OXSR1: variants seen among roughly 807,000 people sequenced by gnomAD.
The protein encoded by OXSR1 is serine/threonine-protein kinase OSR1.
OXSR1 carries 24 observed loss-of-function variants against 79.8 expected under a neutral mutation model. The observed-to-expected ratio is 0.30, with a 90% CI of 0.22 to 0.42. The LOEUF is 0.42. Among genes scored for constraint, OXSR1 ranks in the 10% least tolerant of loss-of-function variants. OXSR1 has a pLI of 1.00. For missense variants in OXSR1, 430 were observed against 618.4 expected (o/e 0.70, Z 3.23); for synonymous variants, 226 against 209.2 (o/e 1.08, Z -0.69).
intron 2 of OXSR1, among the ~76,000 whole-genome samples, chr3:38,190,144 A>T (rs947843891): frequency 6.6e-6 from 1 of 152,168 alleles, no homozygotes; most frequent in Non-Finnish European, 1.5e-5. Context: ...CTGATCACAC[A>T]TGGCTTTATA....
rs373266799 is a variant in OXSR1 at position 38,243,398 on chromosome 3, T to C, written c.1110+620T>C. Among the ~76,000 whole-genome samples the C allele has an allele frequency of 7.2e-5, 11 of 152,312 alleles. No homozygotes were observed. In the South Asian group the frequency reaches 1.4e-3, roughly 20 times the overall value. ...ATGCCACCTGTCCTTTTTGAATTCT[T>C]TCTTTCAGCCTCAGCCTCTTCTCTT... is the stretch of plus-strand genomic sequence containing the variant. On this transcript the variant is annotated intron_variant, in intron 12 of 17. Transcript: ENST00000311806.
At position 38,216,126 on chromosome 3, in the gene OXSR1, A is replaced by C. The variant is rs1468221752; in HGVS notation, c.465A>C (p.Gly155=). 1 of 1,597,360 alleles carries C rather than the reference A, an allele frequency of 6.3e-7. No homozygotes were observed. Among genetic ancestry groups the C allele is most frequent in the African/African-American group, 1.4e-5 (1 of 73,928 alleles). ...RDVKAGNILL[G]EDGSVQIADF... ...TGAAAGCTGGAAACATTCTTCTTGG[A>C]GAAGATGGCTCAGTACAGATTGCAG... The change falls in exon 5 of 18, where the codon GGA becomes GGC. Residue 155 remains glycine, a synonymous_variant. Coordinates refer to ENST00000311806, the MANE Select transcript of OXSR1 (RefSeq NM_005109.3).
In OXSR1 at chr3:38,253,000, G is replaced by C; in HGVS notation, c.*109G>C. The C allele has an allele frequency of 1.3e-6, 1 of 794,628 alleles. No individual in the cohort carries two copies. The highest frequency in any genetic ancestry group is 2.1e-6 in the Non-Finnish European group (1 of 468,228). 49.2% of individuals were successfully genotyped at this position (794,628 alleles called of 1,614,324 possible). On this transcript the variant is annotated 3_prime_UTR_variant, in exon 18 of 18. Transcript: ENST00000311806. Reference sequence around the variant, plus strand: ...CAAAGAACCCAGCAACAAACCTCCCGGCTAGGAGCTTTAGAAGTCTTTATG... The same window carrying C: ...CAAAGAACCCAGCAACAAACCTCCCCGCTAGGAGCTTTAGAAGTCTTTATG...
chr3:38,195,653 T>C (rs1022078415), intron 3 of OXSR1, among the ~76,000 whole-genome samples: 1 of 152,212 alleles, frequency 6.6e-6, no homozygotes, highest in Non-Finnish European at 1.5e-5. Flanking sequence ...GTGAGGAAAT[T>C]AACTTGTTGA....
intron 11 of OXSR1, among the ~76,000 whole-genome samples, chr3:38,240,567 A>G (rs902268005): frequency 6.6e-6 from 1 of 152,126 alleles, no homozygotes; most frequent in African/African-American, 2.4e-5. Context: ...TATCCAGATA[A>G]TGGTCTCTAA....
At chr3:38,210,248 CA>C (rs1258661054) in intron 4 of OXSR1, among the ~76,000 whole-genome samples, 7 of 152,186 alleles carry the variant, frequency 4.6e-5, no homozygotes, top group African/African-American at 1.7e-4. Flanking sequence ...CCTGGGCTAT[CA>C]ACTGCACAAG....
chr3:38,169,065 G>A (rs1357721997), intron 1 of OXSR1, among the ~76,000 whole-genome samples: 1 of 152,178 alleles, frequency 6.6e-6, no homozygotes, highest in African/African-American at 2.4e-5. Flanking sequence ...ACCATTTTAT[G>A]TTCCTACTAG....
At chr3:38,224,739 A>G (rs1702656391) in intron 8 of OXSR1, 35 bp downstream of exon 8, 19 of 1,420,420 alleles carry the variant, frequency 1.3e-5, no homozygotes, top group Non-Finnish European at 1.7e-5. Flanking sequence ...TTTCTCTCTA[A>G]TAAAACATTG....
intron 12 of OXSR1, among the ~76,000 whole-genome samples, chr3:38,243,999 C>T (rs1209451822): frequency 2.0e-5 from 3 of 152,132 alleles, no homozygotes; most frequent in African/African-American, 2.4e-5. Context: ...AGGATGATAC[C>T]GAGCTTGTTA....
rs1226577110 is a variant in OXSR1, at chr3:38,165,723, CG to C, written c.-153del. ...CCGCTGCTCTGCCGCGCGGTGACCCCGCGCCCCGGCGCCGTCCGACCCGTGG... is the reference window on the plus strand; with the variant it reads ...CCGCTGCTCTGCCGCGCGGTGACCCCCGCCCCGGCGCCGTCCGACCCGTGG... On this transcript the variant is annotated 5_prime_UTR_variant, in exon 1 of 18. Coordinates refer to ENST00000311806, the MANE Select transcript of OXSR1 (RefSeq NM_005109.3). 1.3e-4 allele frequency: 83 copies of C among 629,876 alleles called. No homozygotes were observed. The East Asian group carries it at 2.5e-3, about 19-fold the overall frequency. The allele number at this position is 629,876 out of a possible 1,614,324, so 39.0% of individuals were successfully genotyped here.
chr3:38,212,297 G>C (rs1702404168), intron 4 of OXSR1, among the ~76,000 whole-genome samples: 1 of 152,172 alleles, frequency 6.6e-6, no homozygotes, highest in Non-Finnish European at 1.5e-5. Context: ...GTCCATTTGT[G>C]ATTTCAAGTG....
chr3:38,249,294 G>T (rs935522188), intron 14 of OXSR1, among the ~76,000 whole-genome samples: 14 of 152,028 alleles, frequency 9.2e-5, no homozygotes, highest in Non-Finnish European at 2.1e-4. Context: ...TCAGTGCATG[G>T]TGTGATCATC....
intron 15 of OXSR1, among the ~76,000 whole-genome samples, chr3:38,251,064 T>G (rs779117556): frequency 2.8e-4 from 42 of 152,292 alleles, no homozygotes; most frequent in Admixed American, 7.2e-4. Flanking sequence ...GAGACAAAAA[T>G]TTTTTGAGAC....
At chr3:38,181,641 T>A (rs1043797080) in intron 1 of OXSR1, among the ~76,000 whole-genome samples, 2 of 152,164 alleles carry the variant, frequency 1.3e-5, no homozygotes, top group African/African-American at 4.8e-5. Flanking sequence ...TGAGCCACCA[T>A]GCCCGGCCTG....
At chr3:38,214,569 T>A (rs1702448161) in intron 4 of OXSR1, among the ~76,000 whole-genome samples, 1 of 152,222 alleles carries the variant, frequency 6.6e-6, no homozygotes, top group Non-Finnish European at 1.5e-5. Context: ...AGTTGGATGA[T>A]CTTTGTCACA....
At chr3:38,186,225 G>A (rs1473979042) in intron 2 of OXSR1, among the ~76,000 whole-genome samples, 1 of 152,122 alleles carries the variant, frequency 6.6e-6, no homozygotes, top group Non-Finnish European at 1.5e-5. Flanking sequence ...AGAAATAGAG[G>A]CAAGTGTCTT....
At position 38,229,738 on chromosome 3, in the gene OXSR1, A is replaced by G. The variant is rs751726680; in HGVS notation, c.885+3A>G. The G allele has an allele frequency of 6.2e-7, 1 of 1,608,086 alleles. No homozygotes were observed. The highest frequency in any genetic ancestry group is 8.5e-7 in the Non-Finnish European group (1 of 1,175,110). ...ACAAATTTTTCCAGAAAGCAAAGGT[A>G]GGAAATTCCAGCTTTTGATTATGTG... On this transcript the variant is annotated splice_donor_region_variant and intron_variant, in intron 9 of 17. Transcript: ENST00000311806.
intron 4 of OXSR1, among the ~76,000 whole-genome samples, chr3:38,200,245 C>CAG (rs3831838): frequency 4.8e-4 from 72 of 150,200 alleles, no homozygotes; most frequent in African/African-American, 1.2e-3. Flanking sequence ...CTTCTTTAGG[C>CAG]AGAGAGAGAG....
chr3:38,193,868 C>CA (rs1702027816), intron 3 of OXSR1, among the ~76,000 whole-genome samples: 1 of 152,120 alleles, frequency 6.6e-6, no homozygotes, highest in African/African-American at 2.4e-5. Flanking sequence ...TATGAGTCAA[C>CA]ATGATCATTA....
Sources: allele counts gnomAD v4.1 joint callset (sites outside exome capture counted in the v4.1 genomes callset), GRCh38; gene constraint gnomAD v4.1.1; transcripts MANE v1.5; gene names NCBI Gene and HGNC (gene_info 2026-07-23, HGNC 2026-07-21).